The following METTL15 variants were observed in gnomAD, a reference collection of about 807,000 sequenced individuals.
The protein encoded by METTL15 is 12S rRNA N(4)-cytidine methyltransferase METTL15.
A neutral mutation model predicts 38.3 loss-of-function variants in METTL15; 34 were observed. The ratio of observed to expected loss-of-function variants is 0.89; its 90% CI spans 0.68 to 1.18. METTL15 has a LOEUF of 1.18. Ranked by LOEUF, METTL15 falls within the 50% of genes most tolerant of loss-of-function variation. The probability of loss-of-function intolerance (pLI) is 0.00; values close to 1 mark genes in which losing one functional copy is unlikely to be tolerated. For synonymous variants in METTL15, 162 were observed against 170.9 expected (o/e 0.95, Z 0.41); for missense variants, 438 against 498.4 (o/e 0.88, Z 1.15).
intron 6 of METTL15, among the ~76,000 whole-genome samples, chr11:28,485,608 G>T (rs1851431718): frequency 6.6e-6 from 1 of 152,146 alleles, no homozygotes; most frequent in Non-Finnish European, 1.5e-5. Flanking sequence ...GCAGGTTATG[G>T]GGAGGAGAGA....
chr11:28,220,676 G>A (rs960406782), intron 4 of METTL15, among the ~76,000 whole-genome samples: 2 of 152,088 alleles, frequency 1.3e-5, no homozygotes, highest in African/African-American at 4.8e-5. Context: ...TTACAATTTG[G>A]CATGTTTTTG....
chr11:28,268,306 C>T (rs1335019876), intron 4 of METTL15, among the ~76,000 whole-genome samples: 1 of 149,118 alleles, frequency 6.7e-6, no homozygotes, highest in Non-Finnish European at 1.5e-5. Context: ...TTGCTATATT[C>T]ATCAGTAACT....
chr11:28,407,853 A>T (rs191345362), intron 5 of METTL15, among the ~76,000 whole-genome samples: 1 of 152,294 alleles, frequency 6.6e-6, no homozygotes, highest in East Asian at 1.9e-4. Flanking sequence ...AGATAAATGC[A>T]TGCATAAGTT....
chr11:28,491,804 A>G (rs897362720), intron 6 of METTL15, among the ~76,000 whole-genome samples: 4 of 152,144 alleles, frequency 2.6e-5, no homozygotes, highest in Non-Finnish European at 5.9e-5. Flanking sequence ...TTGGCCCAAA[A>G]TAGTTATATT....
At chr11:28,473,298 A>G (rs1278797298) in intron 6 of METTL15, among the ~76,000 whole-genome samples, 1 of 152,154 alleles carries the variant, frequency 6.6e-6, no homozygotes. Context: ...TATGCCACCA[A>G]CAAGTGTGGT....
At chr11:28,285,976 A>G (rs1856246054) in intron 4 of METTL15, among the ~76,000 whole-genome samples, 2 of 152,110 alleles carry the variant, frequency 1.3e-5, no homozygotes, top group African/African-American at 4.8e-5. Context: ...TCAAAAATCT[A>G]CCTCTTGAGC....
intron 4 of METTL15, among the ~76,000 whole-genome samples, chr11:28,222,536 G>A (rs553620161): frequency 1.3e-5 from 2 of 152,248 alleles, no homozygotes; most frequent in African/African-American, 4.8e-5. Flanking sequence ...TTTGGCTCAC[G>A]CTTGGTGTGC....
At chr11:28,479,229 CTA>C (rs58046907) in intron 6 of METTL15, among the ~76,000 whole-genome samples, 141,554 of 152,012 alleles carry the variant, frequency 0.93, 66,645 homozygotes, top group East Asian at 1. Context: ...TATGTCATGA[CTA>C]TGTCAGATGC....
At chr11:28,215,914 G>A (rs1311301108) in intron 4 of METTL15, among the ~76,000 whole-genome samples, 2 of 152,032 alleles carry the variant, frequency 1.3e-5, no homozygotes, top group African/African-American at 2.4e-5. Flanking sequence ...GTACTCAGGA[G>A]GCTGTGGTGG....
At chr11:28,298,534 T>C (rs1856814614) in intron 6 of METTL15, among the ~76,000 whole-genome samples, 1 of 152,052 alleles carries the variant, frequency 6.6e-6, no homozygotes. Flanking sequence ...TAAGCTACCT[T>C]TTCTGTCTGT....
chr11:28,235,327 T>G (rs556646310), intron 4 of METTL15, among the ~76,000 whole-genome samples: 78 of 152,262 alleles, frequency 5.1e-4, no homozygotes, highest in African/African-American at 1.8e-3. Flanking sequence ...AAGTAGTTTT[T>G]TCCAATTCTG....
intron 3 of METTL15, among the ~76,000 whole-genome samples, chr11:28,192,047 A>C (rs973091226): frequency 9.9e-5 from 15 of 151,946 alleles, no homozygotes; most frequent in African/African-American, 3.6e-4. Context: ...TATGTTTTAC[A>C]TCAAACATAG....
chr11:28,113,633 T>C, intron 3 of METTL15, 29 bp downstream of exon 3: 1 of 1,594,442 alleles, frequency 6.3e-7, no homozygotes, highest in Non-Finnish European at 8.5e-7. Context: ...TTTTAGCAAG[T>C]TTTTGTTGAG....
At chr11:28,524,748 A>G (rs1851795053) in intron 6 of METTL15, among the ~76,000 whole-genome samples, 1 of 152,190 alleles carries the variant, frequency 6.6e-6, no homozygotes, top group Non-Finnish European at 1.5e-5. Context: ...AATTGAAGGG[A>G]GCCTAATGAG....
intron 6 of METTL15, among the ~76,000 whole-genome samples, chr11:28,457,981 G>A (rs570899093): frequency 6.6e-6 from 1 of 152,140 alleles, no homozygotes; most frequent in Non-Finnish European, 1.5e-5. Context: ...ATGTTGTAAA[G>A]CTCCCCCTCA....
At chr11:28,219,403 A>G (rs916583625) in intron 4 of METTL15, among the ~76,000 whole-genome samples, 27 of 151,962 alleles carry the variant, frequency 1.8e-4, no homozygotes, top group African/African-American at 5.8e-4. Context: ...ATCGGTGGTG[A>G]TATCCCCTTT....
chr11:28,166,295 T>G (rs535004081), intron 3 of METTL15, among the ~76,000 whole-genome samples: 1 of 152,344 alleles, frequency 6.6e-6, no homozygotes, highest in African/African-American at 2.4e-5. Context: ...CTAATCTTTA[T>G]GCTGATTATC....
chr11:28,422,253 C>T (rs191161028), intron 5 of METTL15, among the ~76,000 whole-genome samples: 13 of 151,978 alleles, frequency 8.6e-5, no homozygotes, highest in Non-Finnish European at 1.5e-4. Context: ...GTTAAAATGT[C>T]CATACTACCC....
intron 5 of METTL15, among the ~76,000 whole-genome samples, chr11:28,366,713 G>T (rs771398784): frequency 6.6e-6 from 1 of 152,074 alleles, no homozygotes; most frequent in Non-Finnish European, 1.5e-5. Context: ...AAAGACAAGA[G>T]GAGGAATGAA....
Sources: gnomAD v4.1 joint callset for allele counts (sites outside exome capture counted in the v4.1 genomes callset) on GRCh38, gnomAD v4.1.1 for gene constraint, MANE v1.5 for transcripts, NCBI Gene and HGNC (gene_info 2026-07-23, HGNC 2026-07-21) for gene names.